PPP2R2A: variants seen among roughly 807,000 people sequenced by gnomAD.
PPP2R2A encodes serine/threonine-protein phosphatase 2A 55 kDa regulatory subunit B alpha isoform.
A neutral mutation model predicts 53.2 loss-of-function variants in PPP2R2A; 9 were observed. That is an observed-to-expected ratio of 0.17 (90% CI 0.10 to 0.30). The LOEUF (loss-of-function observed/expected upper bound fraction) is 0.30, where lower values mean the gene tolerates loss of function less well. PPP2R2A is among the 10% of genes least tolerant of loss of function. The pLI is 1.00. For missense variants in PPP2R2A, 235 were observed against 534.6 expected (o/e 0.44, Z 5.53); for synonymous variants, 169 against 174.2 (o/e 0.97, Z 0.23).
chr8:26,330,911 T>C (rs1338427752), intron 2 of PPP2R2A, among the ~76,000 whole-genome samples: 1 of 152,196 alleles, frequency 6.6e-6, no homozygotes, highest in East Asian at 1.9e-4. Context: ...TTAAACTTTG[T>C]TAGGACAAGT....
At chr8:26,358,655 T>C (rs1160662699) in intron 4 of PPP2R2A, among the ~76,000 whole-genome samples, 2 of 152,204 alleles carry the variant, frequency 1.3e-5, no homozygotes, top group African/African-American at 4.8e-5. Flanking sequence ...AAAATGGCTT[T>C]ATATACTGTT....
intron 2 of PPP2R2A, among the ~76,000 whole-genome samples, chr8:26,303,324 C>T (rs533143967): frequency 6.6e-6 from 1 of 152,314 alleles, no homozygotes; most frequent in South Asian, 2.1e-4. Flanking sequence ...GTTTTCCCCA[C>T]AATGTCTGCT....
At chr8:26,366,509 T>G (rs1805383436) in intron 9 of PPP2R2A, 103 bp downstream of exon 9, 3 of 813,054 alleles carry the variant, frequency 3.7e-6, no homozygotes, top group Non-Finnish European at 5.6e-6. Flanking sequence ...TGAAATAAAT[T>G]TAGTAATTTT....
rs541933547 is a variant in PPP2R2A, at chr8:26,353,292, C to G, written c.181-1176C>G. ...GTATTCTTAACATTGGCAGACTTGC[C>G]CTCTAATAACTGATAACTGCTGTCC... On this transcript the variant is annotated intron_variant, in intron 3 of 9. Transcript: ENST00000380737. Among the ~76,000 whole-genome samples the G allele has an allele frequency of 3.3e-5, 5 of 152,146 alleles. No individual in the cohort carries two copies. The East Asian group carries it at 9.7e-4, about 29-fold the overall frequency.
intron 2 of PPP2R2A, among the ~76,000 whole-genome samples, chr8:26,322,863 C>T (rs1802910625): frequency 6.6e-6 from 1 of 152,220 alleles, no homozygotes; most frequent in African/African-American, 2.4e-5. Context: ...CAGGAAGCAG[C>T]AGTTTTTAAA....
chr8:26,351,497 A>G (rs1020272879), intron 3 of PPP2R2A, among the ~76,000 whole-genome samples: 2 of 152,238 alleles, frequency 1.3e-5, no homozygotes, highest in Non-Finnish European at 2.9e-5. Context: ...CATACTGGAC[A>G]ACACAGATAC....
At chr8:26,346,189 G>A (rs1804207340) in intron 3 of PPP2R2A, among the ~76,000 whole-genome samples, 1 of 151,656 alleles carries the variant, frequency 6.6e-6, no homozygotes, top group African/African-American at 2.4e-5. Flanking sequence ...CACCCTGGCT[G>A]GAGTACAGTG....
At chr8:26,348,386 T>TA (rs774548551) in intron 3 of PPP2R2A, among the ~76,000 whole-genome samples, 10 of 152,240 alleles carry the variant, frequency 6.6e-5, no homozygotes, top group Non-Finnish European at 8.8e-5. Flanking sequence ...GCTGATGTGA[T>TA]ACCACAAGTG....
At chr8:26,355,024 A>G (rs528469252) in intron 4 of PPP2R2A, among the ~76,000 whole-genome samples, 1 of 152,338 alleles carries the variant, frequency 6.6e-6, no homozygotes, top group Admixed American at 6.5e-5. Flanking sequence ...AAATAACTTC[A>G]CATACATCAT....
chr8:26,310,610 T>G (rs1448166179), intron 2 of PPP2R2A, among the ~76,000 whole-genome samples: 2 of 151,872 alleles, frequency 1.3e-5, no homozygotes, highest in Non-Finnish European at 2.9e-5. Flanking sequence ...TCTTATTGCT[T>G]TAGGATATAT....
intron 2 of PPP2R2A, among the ~76,000 whole-genome samples, chr8:26,335,887 T>C (rs1803632859): frequency 6.6e-6 from 1 of 152,194 alleles, no homozygotes; most frequent in African/African-American, 2.4e-5. Context: ...ACGCTAAAAA[T>C]GTCATCATAA....
chr8:26,294,473 T>C (rs1585315429), intron 2 of PPP2R2A, among the ~76,000 whole-genome samples: 2 of 152,216 alleles, frequency 1.3e-5, no homozygotes, highest in Admixed American at 6.5e-5. Context: ...TTTGAGATGG[T>C]CTTAGGCAGC....
At chr8:26,356,733 T>C (rs1306617837) in intron 4 of PPP2R2A, among the ~76,000 whole-genome samples, 1 of 152,210 alleles carries the variant, frequency 6.6e-6, no homozygotes, top group Non-Finnish European at 1.5e-5. Flanking sequence ...AGTTTATTTC[T>C]TATAGGGCTA....
At chr8:26,333,796 G>A (rs1248334603) in intron 2 of PPP2R2A, among the ~76,000 whole-genome samples, 3 of 152,110 alleles carry the variant, frequency 2.0e-5, no homozygotes, top group African/African-American at 4.8e-5. Context: ...AGTAAAAACC[G>A]ACCAATGACA....
chr8:26,335,926 A>C (rs1803635387), intron 2 of PPP2R2A, among the ~76,000 whole-genome samples: 1 of 152,230 alleles, frequency 6.6e-6, no homozygotes, highest in South Asian at 2.1e-4. Context: ...AAGAAGTGAT[A>C]CGTTATTGGA....
intron 2 of PPP2R2A, among the ~76,000 whole-genome samples, chr8:26,306,013 A>G (rs1321241022): frequency 1.3e-5 from 2 of 152,166 alleles, no homozygotes; most frequent in Non-Finnish European, 2.9e-5. Flanking sequence ...TACCATACAG[A>G]ATTACAAAAA....
intron 2 of PPP2R2A, among the ~76,000 whole-genome samples, chr8:26,306,478 A>C (rs1462283970): frequency 7.1e-6 from 1 of 140,824 alleles, no homozygotes; most frequent in Non-Finnish European, 1.5e-5. Context: ...TCTGTCTGAA[A>C]AAAAAAAAAA....
chr8:26,296,566 T>C (rs1801547885), intron 2 of PPP2R2A, among the ~76,000 whole-genome samples: 1 of 152,262 alleles, frequency 6.6e-6, no homozygotes, highest in Non-Finnish European at 1.5e-5. Flanking sequence ...TTTATAGCAC[T>C]TTGTTACGTA....
intron 3 of PPP2R2A, among the ~76,000 whole-genome samples, chr8:26,348,933 G>T (rs1486331534): frequency 6.6e-6 from 1 of 152,100 alleles, no homozygotes; most frequent in Non-Finnish European, 1.5e-5. Flanking sequence ...ACTTTGTAAT[G>T]TTTAGTTTTA....
Sources: allele counts gnomAD v4.1 joint callset (sites outside exome capture counted in the v4.1 genomes callset), GRCh38; gene constraint gnomAD v4.1.1; transcripts MANE v1.5; gene names NCBI Gene and HGNC (gene_info 2026-07-23, HGNC 2026-07-21).